FRMPD3: variants seen among roughly 807,000 people sequenced by gnomAD.
FRMPD3 encodes FERM and PDZ domain-containing protein 3.
In FRMPD3, 42 loss-of-function variants were observed where a neutral mutation model predicts 97.9. That is an observed-to-expected ratio of 0.43 (90% CI 0.34 to 0.55). The LOEUF (loss-of-function observed/expected upper bound fraction) is 0.55. Ranked by LOEUF, FRMPD3 falls within the 20% of genes least tolerant of loss-of-function variation. The pLI is 0.03. For synonymous variants in FRMPD3, 577 were observed against 581.1 expected (o/e 0.99, Z 0.10); for missense variants, 1,303 against 1,457.7 (o/e 0.89, Z 1.73).
chrX:107,525,631 G>A (rs1922664465), intron 1 of FRMPD3: 3 of 558,956 alleles, frequency 5.4e-6, no homozygotes, highest in Non-Finnish European at 9.7e-6. Context: ...TCCCCTTCTG[G>A]CCAACAGGAA....
chrX:107,597,514 T>A lies in FRMPD3; in HGVS notation c.1635T>A (p.Asp545Glu), dbSNP rs1395465129. 1.7e-6 allele frequency: 2 copies of A among 1,209,124 alleles called. No homozygotes were observed. The highest frequency in any genetic ancestry group is 4.4e-5 in the Admixed American group (2 of 45,720). ...EQRKEQESRT[D>E]VNENLIFFEE... Reference sequence around the variant, plus strand: ...GGAAGGAGCAGGAAAGCCGGACAGATGTCAACGAGAACCTAATCTTCTTTG... The same window carrying A: ...GGAAGGAGCAGGAAAGCCGGACAGAAGTCAACGAGAACCTAATCTTCTTTG... The change falls in exon 14 of 15, where the codon GAT (aspartate) becomes GAA (glutamate). Residue 545 changes from aspartate to glutamate, a missense_variant. Transcript: ENST00000683843.
chrX:107,550,219 C>A (rs1014315315), intron 6 of FRMPD3, 63 bp downstream of exon 6: 6 of 764,921 alleles, frequency 7.8e-6, no homozygotes, highest in Non-Finnish European at 7.9e-6. Context: ...AGTTGTGTGT[C>A]CTGTGTTCCT....
intron 1 of FRMPD3, among the ~76,000 whole-genome samples, chrX:107,498,573 C>A (rs1448412650): frequency 8.9e-6 from 1 of 111,805 alleles, no homozygotes; most frequent in Non-Finnish European, 1.9e-5. Flanking sequence ...GCTGGAAATC[C>A]CCTTCAGATA....
chrX:107,577,266 C>T (rs1291495077), intron 13 of FRMPD3, among the ~76,000 whole-genome samples: 2 of 106,637 alleles, frequency 1.9e-5, no homozygotes, highest in Admixed American at 2.1e-4. Context: ...GGCAGATCAC[C>T]TGAGGTCAGG....
At position 107,522,861 on chromosome X, in the gene FRMPD3, C is replaced by G. The variant is rs1217979682; in HGVS notation, c.-7-3721C>G. 1.9e-4 allele frequency among the ~76,000 whole-genome samples: 21 copies of G among 107,842 alleles called. No individual in the cohort carries two copies. The Admixed American group carries it at 2.1e-3, about 11-fold the overall frequency. 93.6% of individuals were successfully genotyped at this position (107,842 alleles called of 115,157 possible). ...GTAAGAAGGGGAGAGAATGAAGGCACTACATACTTTGGGGCAAATAACAGA... is the reference window on the plus strand; with the variant it reads ...GTAAGAAGGGGAGAGAATGAAGGCAGTACATACTTTGGGGCAAATAACAGA... On this transcript the variant is annotated intron_variant, in intron 1 of 14. Transcript: ENST00000683843.
intron 4 of FRMPD3, among the ~76,000 whole-genome samples, chrX:107,534,281 G>GGTGCACAACTTCCAT (rs894182730): frequency 9.0e-6 from 1 of 111,555 alleles, no homozygotes; most frequent in Non-Finnish European, 1.9e-5. Context: ...CACAAACCCA[G>GGTGCACAACTTCCAT]GTGCACAACT....
intron 12 of FRMPD3, among the ~76,000 whole-genome samples, chrX:107,568,059 A>G (rs1028127239): frequency 9.0e-6 from 1 of 110,566 alleles, no homozygotes; most frequent in Admixed American, 9.7e-5. Context: ...GGTCCCAAGT[A>G]CTCTGAAGAA....
At chrX:107,451,492 T>C (rs1295732596) in intron 1 of FRMPD3, among the ~76,000 whole-genome samples, 1 of 111,934 alleles carries the variant, frequency 8.9e-6, no homozygotes, top group Non-Finnish European at 1.9e-5. Context: ...TCGCCTTCCT[T>C]GCCCATGAAG....
chrX:107,514,470 T>C lies in FRMPD3; in HGVS notation c.-7-12112T>C, dbSNP rs56412663. 4.4e-3 allele frequency among the ~76,000 whole-genome samples: 486 copies of C among 109,617 alleles called. 2 individuals are homozygous for C. The highest frequency in any genetic ancestry group is 0.019 in the Middle Eastern group (4 of 211). Reference sequence around the variant, plus strand: ...GGTGGCTTGAACTGGGTGACAGCCATGGAGAGGGAGCGAGCTTGTCGGATC... The same window carrying C: ...GGTGGCTTGAACTGGGTGACAGCCACGGAGAGGGAGCGAGCTTGTCGGATC... On this transcript the variant is annotated intron_variant, in intron 1 of 14. Transcript: ENST00000683843.
chrX:107,461,618 A>G lies in FRMPD3; in HGVS notation c.-8+11613A>G, dbSNP rs181868772. On this transcript the variant is annotated intron_variant, in intron 1 of 14. Transcript: ENST00000683843. ...CAAGTGATCCTTCAACGCTGCTGCCAGAGGAATCTCCTTAAAACATCTTTC... is the reference window on the plus strand; with the variant it reads ...CAAGTGATCCTTCAACGCTGCTGCCGGAGGAATCTCCTTAAAACATCTTTC... Among the ~76,000 whole-genome samples, 131 of 111,039 alleles carry G rather than the reference A, an allele frequency of 1.2e-3. 1 individual carries two copies. Among genetic ancestry groups the G allele is most frequent in the African/African-American group, 4.1e-3 (125 of 30,530 alleles).
chrX:107,530,633 A>T, intron 3 of FRMPD3, 122 bp downstream of exon 3: 1 of 510,843 alleles, frequency 2.0e-6, no homozygotes, highest in Non-Finnish European at 3.3e-6. Flanking sequence ...GAGAAGCCCT[A>T]TAGAGGGCTC....
chrX:107,499,871 A>G (rs114695170), intron 1 of FRMPD3, among the ~76,000 whole-genome samples: 1,616 of 110,589 alleles, frequency 0.015, 28 homozygotes, highest in African/African-American at 0.051. Flanking sequence ...CTCCCTCCCA[A>G]CTCTGGGCCT....
At chrX:107,471,454 G>A (rs189690312) in intron 1 of FRMPD3, among the ~76,000 whole-genome samples, 2 of 109,682 alleles carry the variant, frequency 1.8e-5, no homozygotes, top group Non-Finnish European at 3.8e-5. Context: ...GTTCCCACCC[G>A]CCATCCCCCC....
chrX:107,479,909 T>C (rs1430223408), intron 1 of FRMPD3, among the ~76,000 whole-genome samples: 1 of 108,568 alleles, frequency 9.2e-6, no homozygotes, highest in African/African-American at 3.4e-5. Context: ...TTTTAATAAA[T>C]GTTGAATTAA....
chrX:107,507,251 G>A (rs1441356917), intron 1 of FRMPD3, among the ~76,000 whole-genome samples: 1 of 110,887 alleles, frequency 9.0e-6, no homozygotes, highest in African/African-American at 3.3e-5. Flanking sequence ...GGGTTGCCTG[G>A]CAGCCCTCCG....
intron 2 of FRMPD3, among the ~76,000 whole-genome samples, chrX:107,527,217 G>T (rs1221232553): frequency 8.9e-6 from 1 of 112,020 alleles, no homozygotes; most frequent in Non-Finnish European, 1.9e-5. Flanking sequence ...CCAGAATCAA[G>T]ATACAGACCA....
At chrX:107,517,274 G>T (rs1922364613) in intron 1 of FRMPD3, among the ~76,000 whole-genome samples, 1 of 111,918 alleles carries the variant, frequency 8.9e-6, no homozygotes, top group African/African-American at 3.3e-5. Flanking sequence ...TAAAACATGG[G>T]TACAGATGTA....
intron 12 of FRMPD3, among the ~76,000 whole-genome samples, chrX:107,575,021 A>C (rs774462818): frequency 1.8e-5 from 2 of 112,356 alleles, no homozygotes; most frequent in African/African-American, 3.2e-5. Context: ...CAATACAGAT[A>C]CTAGGAGGTT....
chrX:107,460,797 A>AG (rs1483845162), intron 1 of FRMPD3, among the ~76,000 whole-genome samples: 2 of 111,516 alleles, frequency 1.8e-5, no homozygotes, highest in African/African-American at 6.5e-5. Context: ...GCCCACTCAC[A>AG]GGGCTGACAA....
Sources: allele counts gnomAD v4.1 joint callset (sites outside exome capture counted in the v4.1 genomes callset), GRCh38; gene constraint gnomAD v4.1.1; transcripts MANE v1.5; gene names NCBI Gene and HGNC (gene_info 2026-07-23, HGNC 2026-07-21).